Variants in HDAC9 observed in about 807,000 individuals in gnomAD.
HDAC9 encodes the protein MEF-2 interacting transcription repressor (MITR) protein.
Under a neutral mutation model 139.4 loss-of-function variants are expected in HDAC9, and 41 were observed. That is an observed-to-expected ratio of 0.29 (90% confidence interval 0.23 to 0.38). The LOEUF (loss-of-function observed/expected upper bound fraction) is 0.38, where lower values mean the gene tolerates loss of function less well. Ranked by LOEUF, HDAC9 falls within the 10% of genes least tolerant of loss-of-function variation. The pLI is 1.00. For missense variants in HDAC9, 1,147 were observed against 1,297.0 expected, an observed-to-expected ratio of 0.88 and a Z score of 1.78; for synonymous variants, 517 against 476.2, an observed-to-expected ratio of 1.09 and a Z score of -1.12.
intron 2 of HDAC9, among the ~76,000 whole-genome samples, chr7:18,280,455 G>T (rs551758211): frequency 6.6e-6 from 1 of 152,098 alleles, no homozygotes; most frequent in Admixed American, 6.5e-5. Context: ...GGGCATGATG[G>T]TGTGTGCCTG....
upstream of HDAC9, chr7:18,290,418 C>T (rs968525599): frequency 1.3e-5 from 6 of 454,560 alleles, no homozygotes; most frequent in African/African-American, 1.0e-4. Context: ...CCTTGTGGCT[C>T]TTTAATATTA....
intron 23 of HDAC9, among the ~76,000 whole-genome samples, chr7:18,943,050 G>A (rs1782127813): frequency 6.6e-6 from 1 of 151,982 alleles, no homozygotes; most frequent in Non-Finnish European, 1.5e-5. Flanking sequence ...AGTGAAACAG[G>A]ACTTAACAAA....
intron 12 of HDAC9, among the ~76,000 whole-genome samples, chr7:18,694,116 A>C (rs1782862309): frequency 6.6e-6 from 1 of 152,136 alleles, no homozygotes; most frequent in African/African-American, 2.4e-5. Flanking sequence ...ATAAAGACCA[A>C]ATGATGACGT....
intron 12 of HDAC9, among the ~76,000 whole-genome samples, chr7:18,684,586 T>C (rs918871283): frequency 3.9e-5 from 6 of 152,000 alleles, no homozygotes; most frequent in Admixed American, 2.0e-4. Flanking sequence ...CTAATGAGTG[T>C]GAATGGATAC....
intron 2 of HDAC9, among the ~76,000 whole-genome samples, chr7:18,263,269 C>T (rs571201775): frequency 2.6e-5 from 4 of 151,822 alleles, no homozygotes; most frequent in South Asian, 2.1e-4. Flanking sequence ...ATAATAAAAC[C>T]GCATTTTTAT....
chr7:18,888,222 C>T (rs2129265710), intron 22 of HDAC9, among the ~76,000 whole-genome samples: 1 of 152,182 alleles, frequency 6.6e-6, no homozygotes, highest in South Asian at 2.1e-4. Flanking sequence ...GAGATCGAGA[C>T]CATCCTGGCT....
At chr7:18,530,576 T>C (rs548107886) in intron 2 of HDAC9, among the ~76,000 whole-genome samples, 41 of 152,212 alleles carry the variant, frequency 2.7e-4, no homozygotes, top group African/African-American at 9.1e-4. Flanking sequence ...AGAAACTTGT[T>C]GAGAAGTCTC....
At chr7:18,890,243 G>T (rs989846711) in intron 22 of HDAC9, among the ~76,000 whole-genome samples, 2 of 152,176 alleles carry the variant, frequency 1.3e-5, no homozygotes, top group Admixed American at 1.3e-4. Context: ...CATCTTTAAT[G>T]CCTGCATAGC....
chr7:18,090,994 A>G (rs1228349480), intron 1 of HDAC9, among the ~76,000 whole-genome samples: 1 of 152,232 alleles, frequency 6.6e-6, no homozygotes, highest in East Asian at 1.9e-4. Flanking sequence ...CTGATATTGC[A>G]TTATTACACT....
At chr7:18,216,388 TC>T (rs768452352) in intron 2 of HDAC9, among the ~76,000 whole-genome samples, 298 of 152,302 alleles carry the variant, frequency 2.0e-3, no homozygotes, top group Non-Finnish European at 3.7e-3. Flanking sequence ...TAGTTCTTTT[TC>T]TATCGTATTG....
At chr7:18,799,040 GACACACACACAC>G (rs201166800) in intron 17 of HDAC9, among the ~76,000 whole-genome samples, 280 of 47,580 alleles carry the variant, frequency 5.9e-3, no homozygotes, top group Middle Eastern at 0.028. Flanking sequence ...TGTGCCCTAA[GACACACACACAC>G]ACACACACAC....
intron 23 of HDAC9, chr7:18,949,011 CT>C: frequency 4.9e-6 from 2 of 406,038 alleles, no homozygotes; most frequent in East Asian, 6.7e-5. Context: ...AGAGAACCAC[CT>C]TTTTGTGTAC....
At chr7:18,610,098 A>T (rs1183439435) in intron 6 of HDAC9, among the ~76,000 whole-genome samples, 1 of 152,162 alleles carries the variant, frequency 6.6e-6, no homozygotes, top group African/African-American at 2.4e-5. Flanking sequence ...AGACACACGC[A>T]CACATATGTT....
intron 6 of HDAC9, among the ~76,000 whole-genome samples, chr7:18,619,742 T>C (rs1229381891): frequency 6.6e-6 from 1 of 152,184 alleles, no homozygotes; most frequent in Non-Finnish European, 1.5e-5. Context: ...GTTTGATATT[T>C]ATCTTTGAAG....
At chr7:18,711,290 C>T (rs938536163) in intron 12 of HDAC9, among the ~76,000 whole-genome samples, 3 of 152,150 alleles carry the variant, frequency 2.0e-5, no homozygotes, top group Non-Finnish European at 4.4e-5. Flanking sequence ...TTCTAAATAT[C>T]TCAGGGGTCC....
At chr7:18,980,234 T>C (rs189466861) in intron 25 of HDAC9, among the ~76,000 whole-genome samples, 62 of 152,318 alleles carry the variant, frequency 4.1e-4, no homozygotes, top group African/African-American at 1.3e-3. Context: ...TGCCCAGTTA[T>C]GTATTTTGGG....
chr7:18,790,554 T>G (rs1396346173), intron 16 of HDAC9, among the ~76,000 whole-genome samples: 1 of 152,172 alleles, frequency 6.6e-6, no homozygotes, highest in African/African-American at 2.4e-5. Flanking sequence ...TACCTACCCC[T>G]TGGTATTTTG....
chr7:18,267,054 T>C (rs1439238465), intron 2 of HDAC9, among the ~76,000 whole-genome samples: 2 of 152,118 alleles, frequency 1.3e-5, no homozygotes, highest in African/African-American at 2.4e-5. Context: ...TTAATATAAA[T>C]TGTGAGGGGA....
intron 22 of HDAC9, among the ~76,000 whole-genome samples, chr7:18,877,161 G>A (rs1395163748): frequency 6.6e-6 from 1 of 152,044 alleles, no homozygotes; most frequent in African/African-American, 2.4e-5. Flanking sequence ...TTATTTCATG[G>A]AAGCCTGAGT....
Sources: allele counts gnomAD v4.1 joint callset (sites outside exome capture counted in the v4.1 genomes callset), GRCh38; gene constraint gnomAD v4.1.1; transcripts MANE v1.5; gene names NCBI Gene and HGNC (gene_info 2026-07-23, HGNC 2026-07-21).